The following ZNF182 variants were observed in gnomAD, a reference collection of about 807,000 sequenced individuals.
ZNF182 encodes the protein zinc finger protein 21 (KOX 14).
In ZNF182, 10 loss-of-function variants were observed where a neutral mutation model predicts 28.1. The ratio of observed to expected loss-of-function variants is 0.36; its 90% CI spans 0.22 to 0.60. The LOEUF (loss-of-function observed/expected upper bound fraction) is 0.60. ZNF182 is among the 20% of genes least tolerant of loss of function. The pLI, the probability that ZNF182 is intolerant of heterozygous loss-of-function variation, is 0.75. For missense variants in ZNF182, 352 were observed against 453.2 expected, an observed-to-expected ratio of 0.78 and a Z score of 2.03; for synonymous variants, 156 against 158.7, an observed-to-expected ratio of 0.98 and a Z score of 0.13.
rs141215624 is a variant in ZNF182 at position 47,982,986 on chromosome X, G to A, written c.195C>T (p.Cys65=). Residue 65 remains cysteine (C), a synonymous_variant, in exon 5 of 6, where the codon TGC becomes TGT. Coordinates refer to ENST00000376943, the MANE Select transcript of ZNF182 (RefSeq NM_001007088.2). ...AAAATGGGATTTTTCCTTCTGCCGG[G>A]CATTCTTCTACCTCCAACTTGAGGA... ...NLILKLEVEE[C]PAEGKIPFWN... The A allele has an allele frequency of 8.3e-7, 1 of 1,211,193 alleles. No individual in the cohort carries two copies. Among genetic ancestry groups the A allele is most frequent in the Admixed American group, 2.2e-5 (1 of 45,997 alleles).
intron 3 of ZNF182, among the ~76,000 whole-genome samples, chrX:47,987,997 T>C (rs781955479): frequency 9.0e-6 from 1 of 111,377 alleles, no homozygotes; most frequent in Non-Finnish European, 1.9e-5. Flanking sequence ...ATAGTTTGGC[T>C]ATCTCTCCCT....
chrX:47,990,040 A>C (rs1013547), intron 3 of ZNF182, among the ~76,000 whole-genome samples: 1 of 110,684 alleles, frequency 9.0e-6, no homozygotes, highest in Non-Finnish European at 1.9e-5. Flanking sequence ...AGTAGCCTTC[A>C]TCAGGAGGTC....
chrX:47,979,802 T>A (rs782720488), intron 5 of ZNF182, among the ~76,000 whole-genome samples: 3 of 109,675 alleles, frequency 2.7e-5, no homozygotes, highest in South Asian at 3.9e-4. Flanking sequence ...AAAAACTGGG[T>A]GATGCTGGAG....
In ZNF182 at chrX:47,977,365, T is replaced by C. The variant is rs1556898395; in HGVS notation, c.665A>G (p.Lys222Arg). 9 of 1,205,953 alleles carry C rather than the reference T, an allele frequency of 7.5e-6. No individual in the cohort carries two copies. The South Asian group carries it at 1.1e-4, about 14-fold the overall frequency. ...EKPFECTACR[K>R]TFSKKSHLIV... The stretch of plus-strand genomic sequence containing the variant: ...GAGGTGTGACTTCTTGCTGAAGGTT[T>C]TCCTACATGCAGTACATTCAAAGGG... The change falls in exon 6 of 6, where the codon AAA becomes AGA. Residue 222 changes from lysine (K) to arginine (R), a missense_variant. Physicochemically the swap from Lys to Arg is conservative, Grantham distance 26. Coordinates refer to ENST00000376943, the MANE Select transcript of ZNF182 (RefSeq NM_001007088.2).
In ZNF182 at chrX:48,002,691, C is replaced by T. The variant is rs1186954941; in HGVS notation, c.-44-38G>A. ...GAGAAGAGTACAGCAGATGAGGAGA[C>T]CCCATCAGACTTTCAGTGCCCAGAA... On this transcript the variant is annotated intron_variant, in intron 2 of 5. Transcript: ENST00000376943. The T allele has an allele frequency of 3.5e-6, 4 of 1,128,760 alleles. No individual in the cohort carries two copies. The African/African-American group carries it at 7.2e-5, about 20-fold the overall frequency. The allele number at this position is 1,128,760 out of a possible 1,213,427, so 93.0% of individuals were successfully genotyped here.
rs1556898515 is a variant in ZNF182 at position 47,977,670 on chromosome X, C to A, written c.360G>T (p.Glu120Asp). The change falls in exon 6 of 6, where the codon GAG (glutamate) becomes GAT (aspartate). Residue 120 changes from glutamate (E) to aspartate (D), a missense_variant. Transcript: ENST00000376943. ...TACTCAGATGAAGTATGTTTCCAAA[C>A]TCATGACAGTCACGAGCACTCTTGG... ...IITKSARDCH[E>D]FGNILHLSTN... 2 of 1,211,282 alleles carry A rather than the reference C, an allele frequency of 1.7e-6. No individual in the cohort carries two copies.
chrX:48,001,276 A>C (rs1556901879), intron 3 of ZNF182, among the ~76,000 whole-genome samples: 2 of 112,588 alleles, frequency 1.8e-5, no homozygotes, highest in Non-Finnish European at 3.8e-5. Flanking sequence ...AAAAACTGGA[A>C]ATAACGCAAA....
Position 47,976,137 on chromosome X carries a change from T to C in ZNF182, c.*30A>G, listed in dbSNP as rs1556898034. 1 of 1,060,896 alleles carries C rather than the reference T, an allele frequency of 9.4e-7. No individual in the cohort carries two copies. The highest frequency in any genetic ancestry group is 3.3e-5 in the East Asian group (1 of 30,739). The allele number at this position is 1,060,896 out of a possible 1,213,427, so 87.4% of individuals were successfully genotyped here. ...TAAAATTGACACAACTTTCTTTCAG[T>C]GTCCATAATAGATACTGCTGATTAG... is the stretch of plus-strand genomic sequence containing the variant. On this transcript the variant is annotated 3_prime_UTR_variant, in exon 6 of 6. Transcript: ENST00000376943.
At chrX:48,000,253 T>C (rs1285703213) in intron 3 of ZNF182, among the ~76,000 whole-genome samples, 1 of 111,492 alleles carries the variant, frequency 9.0e-6, no homozygotes, top group Non-Finnish European at 1.9e-5. Context: ...CTAATCCTCA[T>C]ACCTTATACA....
rs782094423 is a variant in ZNF182 at position 47,976,193 on chromosome X, G to A, written c.1837C>T (p.Arg613Trp). 6 of 1,157,051 alleles carry A rather than the reference G, an allele frequency of 5.2e-6. No individual in the cohort carries two copies. The highest frequency in any genetic ancestry group is 2.4e-4 in the Middle Eastern group (1 of 4,125). Residue 613 changes from arginine to tryptophan, a missense_variant, in exon 6 of 6, where the codon CGG becomes TGG. Coordinates refer to ENST00000376943, the MANE Select transcript of ZNF182 (RefSeq NM_001007088.2). ...TAATGTGCCATGAACTTTGACTTCC[G>A]AGTGTGGCCTCTTCCATGGGCTTTC... Reference protein sequence around the residue: ...GKKAHGRGHTRKSKFMAH With the variant: ...GKKAHGRGHTWKSKFMAH
intron 3 of ZNF182, among the ~76,000 whole-genome samples, chrX:47,995,060 G>A (rs1266713143): frequency 1.8e-5 from 2 of 109,178 alleles, no homozygotes; most frequent in African/African-American, 3.3e-5. Context: ...GGCCGGGCGC[G>A]GTGGCTCACG....
intron 3 of ZNF182, among the ~76,000 whole-genome samples, chrX:47,987,782 A>G (rs782803492): frequency 2.1e-4 from 24 of 112,289 alleles, no homozygotes; most frequent in Non-Finnish European, 4.1e-4. Flanking sequence ...AGCAGCAATG[A>G]GCACAGCTAG....
chrX:47,985,279 C>T (rs1170543196), intron 3 of ZNF182, among the ~76,000 whole-genome samples: 2 of 112,347 alleles, frequency 1.8e-5, no homozygotes, highest in African/African-American at 6.5e-5. Flanking sequence ...ATTTATGCAA[C>T]GACATGGATG....
intron 3 of ZNF182, among the ~76,000 whole-genome samples, chrX:48,000,657 G>A (rs1034201570): frequency 4.5e-5 from 5 of 112,117 alleles, no homozygotes; most frequent in Non-Finnish European, 7.5e-5. Context: ...ATGACCTAGT[G>A]TTAGGCAAAG....
At chrX:47,983,079 G>C (rs898551487) in intron 4 of ZNF182, 41 bp from the exon 5 acceptor site, 4 of 1,169,833 alleles carry the variant, frequency 3.4e-6, no homozygotes, top group Non-Finnish European at 4.7e-6. Flanking sequence ...TTGGCTTTCA[G>C]AGCCTCTGAG....
intron 2 of ZNF182, among the ~76,000 whole-genome samples, chrX:48,003,005 C>T (rs1168045998): frequency 1.8e-5 from 2 of 111,864 alleles, no homozygotes; most frequent in African/African-American, 6.5e-5. Context: ...TCCTCTATGA[C>T]CCATAAGGGA....
chrX:48,003,918 A>G lies in ZNF182; in HGVS notation c.-249T>C. 1 of 110,086 alleles carries G rather than the reference A, an allele frequency of 9.1e-6. No homozygotes were observed. The highest frequency in any genetic ancestry group is 3.9e-4 in the South Asian group (1 of 2,572). 9.1% of individuals were successfully genotyped at this position (110,086 alleles called of 1,213,427 possible). A position where few individuals can be genotyped will look rare whatever the true frequency, so the allele number is the denominator to read the frequency against. On this transcript the variant is annotated 5_prime_UTR_variant, in exon 1 of 6. Coordinates refer to ENST00000376943, the MANE Select transcript of ZNF182 (RefSeq NM_001007088.2). ...GCCCCCTCAACCTCACTCTCTCTCG[A>G]TAACAGATTTTCTGCTCGCTGCTCA...
chrX:47,999,226 A>T (rs1435498071), intron 3 of ZNF182, among the ~76,000 whole-genome samples: 2 of 110,086 alleles, frequency 1.8e-5, no homozygotes, highest in African/African-American at 6.6e-5. Context: ...CTAAAAATAC[A>T]ATAATTAGCC....
intron 3 of ZNF182, among the ~76,000 whole-genome samples, chrX:47,998,357 G>A (rs1556901408): frequency 9.0e-6 from 1 of 111,426 alleles, no homozygotes; most frequent in African/African-American, 3.3e-5. Context: ...CTGAAATCAC[G>A]CAAAGGATAA....
Sources: allele counts gnomAD v4.1 joint callset (sites outside exome capture counted in the v4.1 genomes callset), GRCh38; gene constraint gnomAD v4.1.1; transcripts MANE v1.5; gene names NCBI Gene and HGNC (gene_info 2026-07-23, HGNC 2026-07-21).